Variants in TATDN1 observed in about 807,000 individuals in gnomAD.
The protein encoded by TATDN1 is TatD DNase domain containing 1.
A neutral mutation model predicts 46.4 loss-of-function variants in TATDN1; 40 were observed. The ratio of observed to expected loss-of-function variants is 0.86; its 90% confidence interval spans 0.67 to 1.12. The LOEUF is 1.12. TATDN1 is among the 50% of genes most tolerant of loss of function. TATDN1 has a pLI of 0.00. For synonymous variants in TATDN1, 95 were observed against 105.6 expected, an observed-to-expected ratio of 0.90 and a Z score of 0.62; for missense variants, 326 against 348.4, an observed-to-expected ratio of 0.94 and a Z score of 0.51.
rs1483034111 is a variant in TATDN1 at position 124,518,589 on chromosome 8, G to T, written c.202+229C>A. The stretch of plus-strand genomic sequence containing the variant: ...CTGGAGAACTTTATTCTCATTAGCT[G>T]AAATCTTAAAATAATCTTCATTGAG... On this transcript the variant is annotated intron_variant, in intron 4 of 11. Transcript: ENST00000276692. 9.3e-5 allele frequency among the ~76,000 whole-genome samples: 14 copies of T among 151,176 alleles called. No individual in the cohort carries two copies. The East Asian group carries it at 2.7e-3, about 29-fold the overall frequency.
chr8:124,499,317 A>G (rs1354640115), intron 9 of TATDN1, among the ~76,000 whole-genome samples: 3 of 152,126 alleles, frequency 2.0e-5, no homozygotes, highest in African/African-American at 4.8e-5. Flanking sequence ...TATGGATAGT[A>G]TATTTAGAAC....
In TATDN1 at chr8:124,515,643, A is replaced by G. The variant is rs553219005; in HGVS notation, c.389+103T>C. The G allele has an allele frequency of 4.2e-6, 5 of 1,178,148 alleles. No individual in the cohort carries two copies. In the African/African-American group the frequency reaches 6.2e-5, roughly 15 times the overall value. The allele number at this position is 1,178,148 out of a possible 1,614,324, so 73.0% of individuals were successfully genotyped here. ...TTTGATATACAAAGGGAAAAACAAA[A>G]ATATCCTCATGCTTAATCCAACTAT... On this transcript the variant is annotated intron_variant, in intron 6 of 11. Coordinates refer to ENST00000276692, the MANE Select transcript of TATDN1 (RefSeq NM_032026.4).
chr8:124,493,804 T>A (rs942354631), intron 11 of TATDN1, 29 bp downstream of exon 11: 1 of 1,573,436 alleles, frequency 6.4e-7, no homozygotes, highest in African/African-American at 1.4e-5. Context: ...AACTAATGAT[T>A]TTGAAGACCA....
At chr8:124,517,382 C>T (rs896946775) in intron 4 of TATDN1, among the ~76,000 whole-genome samples, 15 of 147,996 alleles carry the variant, frequency 1.0e-4, no homozygotes, top group African/African-American at 3.7e-4. Context: ...GAGCCGAGAT[C>T]GTGCCATTGC....
intron 1 of TATDN1, among the ~76,000 whole-genome samples, chr8:124,530,540 C>G (rs1221368389): frequency 2.0e-5 from 3 of 152,084 alleles, no homozygotes. Context: ...AAAACTGAAC[C>G]AAGGGAAAAA....
intron 1 of TATDN1, among the ~76,000 whole-genome samples, chr8:124,536,740 G>A (rs7829265): frequency 0.026 from 3,977 of 152,162 alleles, 167 homozygotes; most frequent in African/African-American, 0.092. Flanking sequence ...GATTTAATAT[G>A]ATGTTTTTCA....
chr8:124,499,382 A>G (rs1164795064), intron 9 of TATDN1, among the ~76,000 whole-genome samples: 1 of 152,142 alleles, frequency 6.6e-6, no homozygotes, highest in Non-Finnish European at 1.5e-5. Context: ...ATCATGTCTG[A>G]TTAACTTAAT....
chr8:124,525,098 C>T (rs1820369834), intron 1 of TATDN1, among the ~76,000 whole-genome samples: 3 of 152,102 alleles, frequency 2.0e-5, no homozygotes, highest in Admixed American at 2.0e-4. Context: ...GTGGTAATCA[C>T]AGCTGACCAC....
chr8:124,530,903 G>C (rs560651400), intron 1 of TATDN1, among the ~76,000 whole-genome samples: 3 of 152,222 alleles, frequency 2.0e-5, no homozygotes, highest in Non-Finnish European at 4.4e-5. Flanking sequence ...CTGAAGTCTC[G>C]TGTAGAGACT....
At chr8:124,523,912 AAGGGAACAT>A (rs1820266795) in intron 1 of TATDN1, among the ~76,000 whole-genome samples, 1 of 152,194 alleles carries the variant, frequency 6.6e-6, no homozygotes. Context: ...TGTAGAATAT[AAGGGAACAT>A]GGGGAACAAC....
intron 6 of TATDN1, among the ~76,000 whole-genome samples, chr8:124,509,783 A>G (rs1818843985): frequency 6.6e-6 from 1 of 152,196 alleles, no homozygotes; most frequent in Non-Finnish European, 1.5e-5. Context: ...TCACACCTGT[A>G]ATGCCAGCAC....
At chr8:124,493,764 C>T (rs1817219874) in intron 11 of TATDN1, 69 bp downstream of exon 11, 5 of 1,519,258 alleles carry the variant, frequency 3.3e-6, no homozygotes, top group East Asian at 2.3e-5. Context: ...CTGTCCCTTG[C>T]GTTAATTTTA....
At chr8:124,521,608 A>G (rs537282519) in intron 3 of TATDN1, 18 of 152,382 alleles carry the variant, frequency 1.2e-4, no homozygotes, top group African/African-American at 4.3e-4. Flanking sequence ...CATAGTATGG[A>G]ATTTAACCTT....
At chr8:124,526,639 T>C (rs1179306915) in intron 1 of TATDN1, 1 of 152,252 alleles carries the variant, frequency 6.6e-6, no homozygotes, top group Non-Finnish European at 1.5e-5. Context: ...TTTCTTCAAA[T>C]AGCTGGCTTG....
chr8:124,508,698 G>T lies in TATDN1; in HGVS notation c.390-10C>A. 1 of 1,459,190 alleles carries T rather than the reference G, an allele frequency of 6.9e-7. No individual in the cohort carries two copies. Among genetic ancestry groups the T allele is most frequent in the Non-Finnish European group, 9.2e-7 (1 of 1,090,164 alleles). The allele number at this position is 1,459,190 out of a possible 1,614,324, so 90.4% of individuals were successfully genotyped here. On this transcript the variant is annotated splice_polypyrimidine_tract_variant and intron_variant, in intron 6 of 11. Transcript: ENST00000276692. ...CTGTTTTTCAAAATATCTGCATAAT[G>T]CAAAAAAAAAAAATTCTCATTACAA...
intron 4 of TATDN1, 66 bp from the exon 5 acceptor site, chr8:124,516,096 AT>A (rs976168979): frequency 2.3e-6 from 3 of 1,328,890 alleles, no homozygotes; most frequent in Non-Finnish European, 3.0e-6. Flanking sequence ...TTATTATGAT[AT>A]TTAGAGGATA....
At chr8:124,518,676 T>C (rs1819751142) in intron 4 of TATDN1, 142 bp downstream of exon 4, 1 of 639,044 alleles carries the variant, frequency 1.6e-6, no homozygotes, top group Non-Finnish European at 2.8e-6. Context: ...TTTGTCATCT[T>C]AATCATGTCC....
chr8:124,528,181 C>CT (rs906877937), intron 1 of TATDN1, among the ~76,000 whole-genome samples: 8 of 148,578 alleles, frequency 5.4e-5, no homozygotes, highest in South Asian at 4.3e-4. Context: ...CTAACAGTGT[C>CT]TTTTTTTTTT....
At chr8:124,511,031 G>A (rs571242826) in intron 6 of TATDN1, among the ~76,000 whole-genome samples, 3 of 152,174 alleles carry the variant, frequency 2.0e-5, no homozygotes, top group East Asian at 1.9e-4. Context: ...AGAAAAACCC[G>A]CCATGGTAAC....
Sources: allele counts gnomAD v4.1 joint callset (sites outside exome capture counted in the v4.1 genomes callset), GRCh38; gene constraint gnomAD v4.1.1; transcripts MANE v1.5; gene names NCBI Gene and HGNC (gene_info 2026-07-23, HGNC 2026-07-21).